Variants in VMP1 observed in about 807,000 individuals in gnomAD.
The protein encoded by VMP1 is ectopic P-granules autophagy protein 3 homolog.
A neutral mutation model predicts 56.0 loss-of-function variants in VMP1; 11 were observed. The observed-to-expected ratio is 0.20, with a 90% CI of 0.12 to 0.32. The LOEUF (loss-of-function observed/expected upper bound fraction) is 0.32. Among genes scored for constraint, VMP1 ranks in the 10% least tolerant of loss-of-function variants. VMP1 has a pLI of 1.00. For synonymous variants in VMP1, 149 were observed against 165.0 expected (o/e 0.90, Z 0.74); for missense variants, 296 against 490.3 (o/e 0.60, Z 3.74).
rs778207005 is a variant in VMP1, at chr17:59,811,664, C to G, written c.796-6C>G. 3 of 1,594,306 alleles carry G rather than the reference C, an allele frequency of 1.9e-6. No homozygotes were observed. Among genetic ancestry groups the G allele is most frequent in the African/African-American group, 1.3e-5 (1 of 74,388 alleles). On this transcript the variant is annotated splice_region_variant and splice_polypyrimidine_tract_variant and intron_variant, in intron 8 of 11. Coordinates refer to ENST00000262291, the MANE Select transcript of VMP1 (RefSeq NM_030938.5). The stretch of plus-strand genomic sequence containing the variant: ...AATATGGAAGTCCTTCTTTTTCTCT[C>G]TATAGATTCCAAATCCTTTATTTGA...
intron 10 of VMP1, among the ~76,000 whole-genome samples, chr17:59,832,351 G>A (rs972459479): frequency 8.6e-5 from 13 of 151,314 alleles, no homozygotes; most frequent in African/African-American, 2.7e-4. Context: ...TTTTAGTAGA[G>A]ACAGGATTTC....
intron 7 of VMP1, among the ~76,000 whole-genome samples, chr17:59,801,195 G>A (rs1598413349): frequency 6.7e-6 from 1 of 148,248 alleles, no homozygotes; most frequent in East Asian, 2.0e-4. Context: ...GATAGTAAAT[G>A]AAATGTGTCA....
At chr17:59,832,554 A>G (rs1001774420) in intron 10 of VMP1, among the ~76,000 whole-genome samples, 6 of 149,666 alleles carry the variant, frequency 4.0e-5, no homozygotes, top group South Asian at 2.1e-4. Context: ...ATGTTCTTCT[A>G]TGTCACAAAA....
chr17:59,742,147 G>C (rs1428182339), intron 5 of VMP1, among the ~76,000 whole-genome samples: 2 of 152,058 alleles, frequency 1.3e-5, no homozygotes, highest in Non-Finnish European at 2.9e-5. Context: ...GCTGGTGCCC[G>C]TAGTTGAATG....
intron 5 of VMP1, among the ~76,000 whole-genome samples, chr17:59,750,268 C>T (rs2035588071): frequency 1.3e-5 from 2 of 151,046 alleles, no homozygotes; most frequent in Non-Finnish European, 2.9e-5. Flanking sequence ...ATTCAATTTA[C>T]TTAAATTTAG....
At chr17:59,829,419 G>A (rs575411207) in intron 10 of VMP1, among the ~76,000 whole-genome samples, 4 of 152,180 alleles carry the variant, frequency 2.6e-5, no homozygotes, top group East Asian at 3.9e-4. Context: ...TCATGTGGAG[G>A]GCAATCTGTC....
At chr17:59,731,795 C>T (rs925016659) in intron 2 of VMP1, among the ~76,000 whole-genome samples, 3 of 152,096 alleles carry the variant, frequency 2.0e-5, no homozygotes, top group African/African-American at 4.8e-5. Flanking sequence ...TTGCTCAGTG[C>T]TCAATTTTAT....
At position 59,842,002 on chromosome 17, in the gene VMP1, C is replaced by CTT. The variant is rs908564572; in HGVS notation, c.*2094_*2095dup. 1.3e-5 allele frequency: 2 copies of CTT among 152,186 alleles called. No homozygotes were observed. Among genetic ancestry groups the CTT allele is most frequent in the African/African-American group, 4.8e-5 (2 of 41,450 alleles). 9.4% of individuals were successfully genotyped at this position (152,186 alleles called of 1,614,324 possible). On this transcript the variant is annotated 3_prime_UTR_variant, in exon 12 of 12. Transcript: ENST00000262291. ...TGAAGAGCAGCTGTCCTTCTTTCCTCTTTTAAGTGTTCAGCTGTGGCATGC... is the reference window on the plus strand; with the variant it reads ...TGAAGAGCAGCTGTCCTTCTTTCCTCTTTTTTAAGTGTTCAGCTGTGGCATGC...
In VMP1 at chr17:59,839,930, T is replaced by A; in HGVS notation, c.*19T>A. 2 of 1,607,050 alleles carry A rather than the reference T, an allele frequency of 1.2e-6. No homozygotes were observed. Among genetic ancestry groups the A allele is most frequent in the Non-Finnish European group, 1.7e-6 (2 of 1,178,644 alleles). ...TAAATAAGTAGAGAAAGTTTTAAAC[T>A]GCAGAAATTGGAGTGGATGGGTTCT... On this transcript the variant is annotated 3_prime_UTR_variant, in exon 12 of 12. Transcript: ENST00000262291.
At chr17:59,801,091 A>AAAAAATAT (rs1307645697) in intron 7 of VMP1, among the ~76,000 whole-genome samples, 1 of 109,326 alleles carries the variant, frequency 9.1e-6, no homozygotes, top group South Asian at 2.9e-4. Flanking sequence ...AAAAAAAAAA[A>AAAAAATAT]ATATATATAT....
intron 1 of VMP1, among the ~76,000 whole-genome samples, chr17:59,715,953 A>T (rs2034135181): frequency 6.6e-6 from 1 of 152,076 alleles, no homozygotes. Flanking sequence ...GACTGTGTGC[A>T]TTAACTTCTA....
At chr17:59,748,894 ATT>A (rs1555615948) in intron 5 of VMP1, among the ~76,000 whole-genome samples, 4 of 145,824 alleles carry the variant, frequency 2.7e-5, no homozygotes, top group African/African-American at 7.7e-5. Context: ...ATTATTATTT[ATT>A]TTTTTTTTTT....
In VMP1 at chr17:59,755,168, C is replaced by T. The variant is rs1448130235; in HGVS notation, c.415-9803C>T. On this transcript the variant is annotated intron_variant, in intron 5 of 11. Transcript: ENST00000262291. The stretch of plus-strand genomic sequence containing the variant: ...TGTCTCCCAGGCTGGAGTGCAATGG[C>T]GCGATCTTGGCTCACGGCAAACTCC... Among the ~76,000 whole-genome samples the T allele has an allele frequency of 4.6e-5, 7 of 151,498 alleles. No homozygotes were observed. The East Asian group carries it at 1.2e-3, about 25-fold the overall frequency.
At chr17:59,831,733 C>T (rs1422620302) in intron 10 of VMP1, among the ~76,000 whole-genome samples, 2 of 147,700 alleles carry the variant, frequency 1.4e-5, no homozygotes, top group Non-Finnish European at 3.0e-5. Flanking sequence ...CAATTTTGAG[C>T]TCTGAGTAGG....
intron 9 of VMP1, among the ~76,000 whole-genome samples, chr17:59,812,480 C>T (rs913042592): frequency 6.6e-6 from 1 of 152,006 alleles, no homozygotes; most frequent in Non-Finnish European, 1.5e-5. Flanking sequence ...AAAAGGTTAA[C>T]AATTTAAACG....
chr17:59,732,350 A>G (rs931126434), intron 2 of VMP1, among the ~76,000 whole-genome samples: 3 of 152,144 alleles, frequency 2.0e-5, no homozygotes, highest in Admixed American at 6.6e-5. Flanking sequence ...GGTTCAAGCA[A>G]TTCTGCCTCA....
intron 5 of VMP1, among the ~76,000 whole-genome samples, chr17:59,758,128 C>T (rs2035914046): frequency 6.6e-6 from 1 of 152,002 alleles, no homozygotes; most frequent in Admixed American, 6.6e-5. Flanking sequence ...AGACATGAGC[C>T]ACCCTGCCTT....
At chr17:59,721,715 C>CAAACAAAACAAAACAAAACA (rs57750049) in intron 1 of VMP1, among the ~76,000 whole-genome samples, 6 of 150,200 alleles carry the variant, frequency 4.0e-5, no homozygotes, top group African/African-American at 9.9e-5. Flanking sequence ...TCTGTCTCTA[C>CAAACAAAACAAAACAAAACA]AAACAAAACA....
At chr17:59,781,387 G>C (rs1264085720) in intron 7 of VMP1, among the ~76,000 whole-genome samples, 1 of 152,096 alleles carries the variant, frequency 6.6e-6, no homozygotes, top group Admixed American at 6.5e-5. Context: ...ATTCCAGACT[G>C]CTTTCTTTGC....
Sources: allele counts gnomAD v4.1 joint callset (sites outside exome capture counted in the v4.1 genomes callset), GRCh38; gene constraint gnomAD v4.1.1; transcripts MANE v1.5; gene names NCBI Gene and HGNC (gene_info 2026-07-23, HGNC 2026-07-21).